The following AGXT2 variants were observed in gnomAD, a reference collection of about 807,000 sequenced individuals.
AGXT2 encodes the protein alanine--glyoxylate aminotransferase 2, mitochondrial.
Under a neutral mutation model 62.5 loss-of-function variants are expected in AGXT2, and 61 were observed. The observed-to-expected ratio is 0.98, with a 90% confidence interval of 0.79 to 1.21. AGXT2 has a LOEUF of 1.21. AGXT2 is among the 50% of genes most tolerant of loss of function. The pLI is 0.00. For missense variants in AGXT2, 666 were observed against 641.5 expected (o/e 1.04, Z -0.41); for synonymous variants, 243 against 218.7 (o/e 1.11, Z -0.98).
chr5:35,010,365 C>A (rs1052560928), intron 11 of AGXT2, among the ~76,000 whole-genome samples: 1 of 152,148 alleles, frequency 6.6e-6, no homozygotes. Context: ...ACTCCCTCAC[C>A]TTCAGAGGTG....
rs1766108270 is a variant in AGXT2 at position 34,998,384 on chromosome 5, G to C, written c.*335C>G. 1 of 322,610 alleles carries C rather than the reference G, an allele frequency of 3.1e-6. No individual in the cohort carries two copies. Among genetic ancestry groups the C allele is most frequent in the South Asian group, 3.8e-5 (1 of 26,330 alleles). The allele number at this position is 322,610 out of a possible 1,614,324, so 20.0% of individuals were successfully genotyped here. A position where few individuals can be genotyped will look rare whatever the true frequency, so the allele number is the denominator to read the frequency against. ...TTCCCTGAAGGCACCTCCACCAAAA[G>C]ATTTTTCTTCAAGATTCACTGGACA... On this transcript the variant is annotated 3_prime_UTR_variant, in exon 14 of 14. Coordinates refer to ENST00000231420, the MANE Select transcript of AGXT2 (RefSeq NM_031900.4).
Position 35,003,738 on chromosome 5 carries a change from A to G in AGXT2, c.1437+25T>C, listed in dbSNP as rs751337115. The G allele has an allele frequency of 5.0e-6, 8 of 1,592,554 alleles. No homozygotes were observed. In the South Asian group the frequency reaches 6.6e-5, roughly 13 times the overall value. On this transcript the variant is annotated intron_variant, in intron 13 of 13. Transcript: ENST00000231420. ...CAGAGAGACTCCTACCTAGAGCGATAGGTAAAAACCAGTCTTTCTCTTACC... is the reference window on the plus strand; with the variant it reads ...CAGAGAGACTCCTACCTAGAGCGATGGGTAAAAACCAGTCTTTCTCTTACC...
chr5:35,037,651 A>C (rs903149252), intron 3 of AGXT2, among the ~76,000 whole-genome samples: 6 of 152,142 alleles, frequency 3.9e-5, no homozygotes, highest in South Asian at 2.1e-4. Context: ...TCCTGGGCTC[A>C]AGAGATCCTC....
At chr5:35,013,459 G>GA (rs1321397472) in intron 10 of AGXT2, among the ~76,000 whole-genome samples, 2 of 152,130 alleles carry the variant, frequency 1.3e-5, no homozygotes, top group Non-Finnish European at 2.9e-5. Flanking sequence ...AGGCATGGGA[G>GA]AATTAGTCTT....
At chr5:35,034,068 G>A (rs1767679402) in intron 5 of AGXT2, among the ~76,000 whole-genome samples, 2 of 152,232 alleles carry the variant, frequency 1.3e-5, no homozygotes, top group East Asian at 1.9e-4. Context: ...AATCATCAGT[G>A]TAAGCTTCAA....
At chr5:35,008,084 T>C (rs946059371) in intron 12 of AGXT2, among the ~76,000 whole-genome samples, 2 of 152,198 alleles carry the variant, frequency 1.3e-5, no homozygotes, top group Non-Finnish European at 2.9e-5. Context: ...CTGTATGGTC[T>C]GCAGAACCAT....
In AGXT2 at chr5:35,010,296, A is replaced by C. The variant is rs574751901; in HGVS notation, c.1189-147T>G. The stretch of plus-strand genomic sequence containing the variant: ...CTAGTGTGACCACAAGGACTACAAA[A>C]AGATCTGTTGTAAGGAGAGAAGAAA... On this transcript the variant is annotated intron_variant, in intron 11 of 13. Coordinates refer to ENST00000231420, the MANE Select transcript of AGXT2 (RefSeq NM_031900.4). 1.1e-3 allele frequency: 1,174 copies of C among 1,077,020 alleles called. 3 individuals are homozygous for C. Among genetic ancestry groups the C allele is most frequent in the Non-Finnish European group, 1.4e-3 (962 of 708,050 alleles). The allele number at this position is 1,077,020 out of a possible 1,614,324, so 66.7% of individuals were successfully genotyped here.
chr5:35,027,911 ATCC>A (rs1767420051), intron 7 of AGXT2, among the ~76,000 whole-genome samples: 1 of 149,604 alleles, frequency 6.7e-6, no homozygotes, highest in Non-Finnish European at 1.5e-5. Context: ...CAGCACCAGA[ATCC>A]TTGCAGGCCC....
intron 6 of AGXT2, 156 bp downstream of exon 6, chr5:35,033,289 GCCTTTCTAATGGTGT>G: frequency 1.6e-6 from 1 of 640,342 alleles, no homozygotes; most frequent in Non-Finnish European, 2.8e-6. Flanking sequence ...GACTCGGAAG[GCCTTTCTAATGGTGT>G]CCTCAAGTGG....
intron 2 of AGXT2, 93 bp downstream of exon 2, chr5:35,040,482 G>A: frequency 8.4e-7 from 1 of 1,190,756 alleles, no homozygotes; most frequent in Non-Finnish European, 1.3e-6. Context: ...GTGGCAAGCA[G>A]GGCTATTTTT....
At chr5:35,037,584 T>G (rs1203685313) in intron 3 of AGXT2, among the ~76,000 whole-genome samples, 1 of 142,702 alleles carries the variant, frequency 7.0e-6, no homozygotes, top group African/African-American at 2.6e-5. Context: ...CTGTGTTGCC[T>G]AGGCTGGAGG....
chr5:35,027,882 C>T (rs917116461), intron 7 of AGXT2, among the ~76,000 whole-genome samples: 123 of 150,374 alleles, frequency 8.2e-4, no homozygotes, highest in African/African-American at 2.9e-3. Flanking sequence ...TGGCTCCTCC[C>T]AGTCCCTCCA....
intron 6 of AGXT2, 72 bp from the exon 7 acceptor site, chr5:35,032,897 G>A (rs759464236): frequency 1.3e-4 from 165 of 1,244,892 alleles, no homozygotes; most frequent in Non-Finnish European, 1.9e-4. Context: ...GCATATGGCT[G>A]CCATCAAGAC....
At chr5:35,040,424 G>T in intron 2 of AGXT2, 151 bp downstream of exon 2, 1 of 746,410 alleles carries the variant, frequency 1.3e-6, no homozygotes, top group Non-Finnish European at 2.3e-6. Flanking sequence ...GAGGGTTTCA[G>T]ATGCTTCCAA....
intron 5 of AGXT2, 126 bp downstream of exon 5, chr5:35,035,096 A>AGGATC: frequency 1.2e-6 from 1 of 867,214 alleles, no homozygotes; most frequent in Non-Finnish European, 1.9e-6. Context: ...CTTCCTTAAA[A>AGGATC]CTTAACAACT....
intron 7 of AGXT2, among the ~76,000 whole-genome samples, chr5:35,027,597 T>C (rs1430548031): frequency 6.6e-6 from 1 of 152,102 alleles, no homozygotes; most frequent in Admixed American, 6.6e-5. Flanking sequence ...AATTCTGTTA[T>C]TTGAAATCCT....
At chr5:35,027,287 G>A (rs1207842489) in intron 7 of AGXT2, among the ~76,000 whole-genome samples, 1 of 152,078 alleles carries the variant, frequency 6.6e-6, no homozygotes, top group Non-Finnish European at 1.5e-5. Context: ...TTGCTTGAAG[G>A]CCTTTCTTTC....
chr5:35,040,793 CT>C, intron 1 of AGXT2, 130 bp from the exon 2 acceptor site: 1 of 773,252 alleles, frequency 1.3e-6, no homozygotes, highest in Non-Finnish European at 2.3e-6. Context: ...TGCTAATCAG[CT>C]TTTAGTTTGG....
chr5:34,998,450 A>T lies in AGXT2; in HGVS notation c.*269T>A, dbSNP rs531290571. Reference sequence around the variant, plus strand: ...TTCATGCATAAACCAATCACTGCAAAGGGGAATCAAATTACCATACCTAAC... The same window carrying T: ...TTCATGCATAAACCAATCACTGCAATGGGGAATCAAATTACCATACCTAAC... On this transcript the variant is annotated 3_prime_UTR_variant, in exon 14 of 14. Coordinates refer to ENST00000231420, the MANE Select transcript of AGXT2 (RefSeq NM_031900.4). 1.1e-5 allele frequency: 6 copies of T among 522,266 alleles called. No individual in the cohort carries two copies. The East Asian group carries it at 2.1e-4, about 18-fold the overall frequency. The allele number at this position is 522,266 out of a possible 1,614,324, so 32.4% of individuals were successfully genotyped here.
Sources: gnomAD v4.1 joint callset for allele counts (sites outside exome capture counted in the v4.1 genomes callset) on GRCh38, gnomAD v4.1.1 for gene constraint, MANE v1.5 for transcripts, NCBI Gene and HGNC (gene_info 2026-07-23, HGNC 2026-07-21) for gene names.